Variants in CECR2 observed in about 807,000 individuals in gnomAD.
The protein encoded by CECR2 is CECR2 histone acetyl-lysine reader, also known as chromatin remodeling regulator CECR2.
In CECR2, 30 loss-of-function variants were observed where a neutral mutation model predicts 154.5. The ratio of observed to expected loss-of-function variants is 0.19; its 90% CI spans 0.15 to 0.26. The LOEUF (loss-of-function observed/expected upper bound fraction) is 0.26, where lower values mean the gene tolerates loss of function less well. CECR2 is among the 10% of genes least tolerant of loss of function. CECR2 has a pLI of 1.00. For missense variants in CECR2, 1,743 were observed against 1,829.3 expected, an observed-to-expected ratio of 0.95 and a Z score of 0.86; for synonymous variants, 725 against 683.7, an observed-to-expected ratio of 1.06 and a Z score of -0.94.
chr22:17,547,124 C>T (rs2147051781), intron 16 of CECR2, among the ~76,000 whole-genome samples: 1 of 151,214 alleles, frequency 6.6e-6, no homozygotes. Flanking sequence ...TTAGTTAAGA[C>T]CTTATTTTTA....
intron 1 of CECR2, among the ~76,000 whole-genome samples, chr22:17,450,312 C>T (rs2054748447): frequency 6.6e-6 from 1 of 152,168 alleles, no homozygotes; most frequent in Admixed American, 6.5e-5. Flanking sequence ...CACTCTGTCG[C>T]CAGGCTGGAG....
intron 1 of CECR2, among the ~76,000 whole-genome samples, chr22:17,405,905 G>A (rs553077093): frequency 6.6e-6 from 1 of 152,198 alleles, no homozygotes; most frequent in Non-Finnish European, 1.5e-5. Context: ...GTAGAGGCCA[G>A]AGTAGACATC....
At chr22:17,453,128 G>A (rs947883571) in intron 1 of CECR2, among the ~76,000 whole-genome samples, 16 of 152,112 alleles carry the variant, frequency 1.1e-4, no homozygotes, top group African/African-American at 3.9e-4. Context: ...GTATATTTAG[G>A]TCTTTTCGTG....
chr22:17,412,831 C>T (rs902243224), intron 1 of CECR2, among the ~76,000 whole-genome samples: 1 of 152,170 alleles, frequency 6.6e-6, no homozygotes, highest in Non-Finnish European at 1.5e-5. Context: ...TCGTGCAGAG[C>T]CGCCCCTTTC....
rs1436285076 is a variant in CECR2, at chr22:17,555,749, T to C, written c.*2909T>C. 6.6e-6 allele frequency: 1 copy of C among 152,210 alleles called. No homozygotes were observed. Among genetic ancestry groups the C allele is most frequent in the Non-Finnish European group, 1.5e-5 (1 of 68,046 alleles). 9.4% of individuals were successfully genotyped at this position (152,210 alleles called of 1,614,324 possible). On this transcript the variant is annotated 3_prime_UTR_variant, in exon 19 of 19. Transcript: ENST00000262608. ...ATCCTGAAAAGGTTTGCTCTCAAGC[T>C]AGAAGGACATTTCACCCTGTGGGTC...
intron 1 of CECR2, among the ~76,000 whole-genome samples, chr22:17,447,033 C>CTGTTT (rs1339121774): frequency 6.1e-5 from 7 of 114,104 alleles, no homozygotes; most frequent in African/African-American, 2.6e-4. Context: ...CGTTTACAAT[C>CTGTTT]TTTTTTTTTT....
rs1487293869 is a variant in CECR2, at chr22:17,548,807, C to G, written c.3520C>G (p.Pro1174Ala). Residue 1174 changes from proline (P) to alanine (A), a missense_variant, in exon 17 of 19, where the codon CCC becomes GCC. Pro to Ala is a conservative substitution (Grantham distance 27). Coordinates refer to ENST00000262608, the MANE Select transcript of CECR2 (RefSeq NM_001290047.2). ...QSNHPHSGGFPRYRPPQGMRY... is the reference protein window; with the variant it reads ...QSNHPHSGGFARYRPPQGMRY... ...TAACCACCCACATTCTGGAGGCTTT[C>G]CCCGGTATCGCCCCCCACAAGGAAT... is the stretch of plus-strand genomic sequence containing the variant. 1.2e-6 allele frequency: 2 copies of G among 1,613,696 alleles called. No individual in the cohort carries two copies. The highest frequency in any genetic ancestry group is 1.1e-5 in the South Asian group (1 of 91,078).
At position 17,555,426 on chromosome 22, in the gene CECR2, C is replaced by T. The variant is rs1050683202; in HGVS notation, c.*2586C>T. 5 of 152,206 alleles carry T rather than the reference C, an allele frequency of 3.3e-5. No homozygotes were observed. The highest frequency in any genetic ancestry group is 1.2e-4 in the African/African-American group (5 of 41,426). The allele number at this position is 152,206 out of a possible 1,614,324, so 9.4% of individuals were successfully genotyped here. A position where few individuals can be genotyped will look rare whatever the true frequency, so the allele number is the denominator to read the frequency against. Reference sequence around the variant, plus strand: ...GCCTTATAGGTACTAGTGCTTCGTCCATTGTCCAGGGAGTGTCCTGAGCTT... The same window carrying T: ...GCCTTATAGGTACTAGTGCTTCGTCTATTGTCCAGGGAGTGTCCTGAGCTT... On this transcript the variant is annotated 3_prime_UTR_variant, in exon 19 of 19. Coordinates refer to ENST00000262608, the MANE Select transcript of CECR2 (RefSeq NM_001290047.2).
At chr22:17,442,460 T>C (rs1336267931) in intron 1 of CECR2, among the ~76,000 whole-genome samples, 2 of 152,162 alleles carry the variant, frequency 1.3e-5, no homozygotes, top group Non-Finnish European at 2.9e-5. Flanking sequence ...CTTGTAGTCC[T>C]AGCTACTAGG....
intron 2 of CECR2, among the ~76,000 whole-genome samples, chr22:17,484,529 A>T (rs12167400): frequency 3.5e-4 from 53 of 151,500 alleles, no homozygotes; most frequent in African/African-American, 1.3e-3. Context: ...TGTTTTTTTT[A>T]ATTTTTTTTC....
intron 1 of CECR2, among the ~76,000 whole-genome samples, chr22:17,449,114 A>C (rs563090822): frequency 6.6e-6 from 1 of 152,162 alleles, no homozygotes; most frequent in African/African-American, 2.4e-5. Context: ...ACTGACCTCA[A>C]GGGATCTGCC....
At chr22:17,500,085 C>T (rs566284974) in intron 4 of CECR2, among the ~76,000 whole-genome samples, 3 of 152,046 alleles carry the variant, frequency 2.0e-5, no homozygotes, top group South Asian at 4.2e-4. Context: ...GTGGCGGGCA[C>T]CTGTAGTCCC....
At chr22:17,462,694 T>C (rs1462925133) in intron 1 of CECR2, among the ~76,000 whole-genome samples, 1 of 151,988 alleles carries the variant, frequency 6.6e-6, no homozygotes, top group African/African-American at 2.4e-5. Context: ...GGCGGGTGGA[T>C]CACGAGGTCA....
At chr22:17,483,426 G>C (rs1018123943) in intron 2 of CECR2, among the ~76,000 whole-genome samples, 1 of 151,878 alleles carries the variant, frequency 6.6e-6, no homozygotes, top group Non-Finnish European at 1.5e-5. Context: ...AATTAGCTGG[G>C]CAATATAGCA....
intron 1 of CECR2, among the ~76,000 whole-genome samples, chr22:17,373,031 C>T (rs1488573310): frequency 6.6e-6 from 1 of 152,090 alleles, no homozygotes; most frequent in Non-Finnish European, 1.5e-5. Flanking sequence ...GTCCCCAAAA[C>T]GTGGATATTT....
intron 1 of CECR2, among the ~76,000 whole-genome samples, chr22:17,400,275 T>C (rs572783981): frequency 2.6e-5 from 4 of 152,306 alleles, no homozygotes; most frequent in African/African-American, 9.6e-5. Flanking sequence ...TATGCCAAAA[T>C]CAGATGAAGT....
intron 9 of CECR2, among the ~76,000 whole-genome samples, chr22:17,531,000 T>G (rs1350110315): frequency 7.9e-5 from 12 of 152,140 alleles, no homozygotes; most frequent in Admixed American, 7.2e-4. Context: ...CGCCACAACA[T>G]TACTTACACA....
chr22:17,455,975 G>C (rs1368767884), intron 1 of CECR2, among the ~76,000 whole-genome samples: 1 of 152,138 alleles, frequency 6.6e-6, no homozygotes, highest in Non-Finnish European at 1.5e-5. Flanking sequence ...TCATATCAGG[G>C]CTCAACTGAG....
intron 1 of CECR2, among the ~76,000 whole-genome samples, chr22:17,454,560 G>A (rs992363508): frequency 6.8e-6 from 1 of 147,614 alleles, no homozygotes; most frequent in Non-Finnish European, 1.5e-5. Flanking sequence ...AGCTGAGATC[G>A]CACCACTGCA....
Sources: allele counts gnomAD v4.1 joint callset (sites outside exome capture counted in the v4.1 genomes callset), GRCh38; gene constraint gnomAD v4.1.1; transcripts MANE v1.5; gene names NCBI Gene and HGNC (gene_info 2026-07-23, HGNC 2026-07-21).